COL4A5: variants seen among roughly 807,000 people sequenced by gnomAD.
COL4A5 encodes the protein collagen type IV alpha 5 chain.
A neutral mutation model predicts 130.2 loss-of-function variants in COL4A5; 26 were observed. That is an observed-to-expected ratio of 0.20 (90% confidence interval 0.15 to 0.28). The LOEUF (loss-of-function observed/expected upper bound fraction) is 0.28, where lower values mean the gene tolerates loss of function less well. Ranked by LOEUF, COL4A5 falls within the 10% of genes least tolerant of loss-of-function variation. The pLI, the probability that COL4A5 is intolerant of heterozygous loss-of-function variation, is 1.00. For missense variants in COL4A5, 1,131 were observed against 1,344.3 expected (o/e 0.84, Z 2.48); for synonymous variants, 496 against 439.6 (o/e 1.13, Z -1.60).
intron 36 of COL4A5, among the ~76,000 whole-genome samples, chrX:108,628,798 T>C (rs137906972): frequency 2.9e-3 from 328 of 112,120 alleles, no homozygotes; most frequent in African/African-American, 0.01. Flanking sequence ...TCACAAAATA[T>C]CTGTTGAGTA....
intron 20 of COL4A5, 70 bp from the exon 21 acceptor site, chrX:108,591,491 C>T: frequency 1.3e-5 from 12 of 919,646 alleles, no homozygotes; most frequent in Non-Finnish European, 6.3e-6. Flanking sequence ...TCTGGCTTGT[C>T]AGGCTTTCTT....
intron 36 of COL4A5, among the ~76,000 whole-genome samples, chrX:108,653,578 A>G (rs1255944575): frequency 9.0e-6 from 1 of 111,650 alleles, no homozygotes; most frequent in Non-Finnish European, 1.9e-5. Flanking sequence ...TATTTTCAGA[A>G]CACAGGTGAC....
chrX:108,487,227 C>T (rs1317867607), intron 1 of COL4A5, among the ~76,000 whole-genome samples: 1 of 110,061 alleles, frequency 9.1e-6, no homozygotes, highest in African/African-American at 3.3e-5. Flanking sequence ...CCCATCTCTA[C>T]TAAAAATACA....
At chrX:108,672,081 T>C (rs1345364805) in intron 42 of COL4A5, among the ~76,000 whole-genome samples, 4 of 112,062 alleles carry the variant, frequency 3.6e-5, no homozygotes, top group Non-Finnish European at 7.5e-5. Flanking sequence ...TGCATCCACT[T>C]TCTTGTTTTC....
At chrX:108,610,928 G>A (rs937173251) in intron 29 of COL4A5, among the ~76,000 whole-genome samples, 2 of 111,444 alleles carry the variant, frequency 1.8e-5, no homozygotes, top group Non-Finnish European at 3.8e-5. Context: ...AGATCTCAAG[G>A]ATTGCTCTCT....
chrX:108,578,081 A>T lies in COL4A5; in HGVS notation c.649A>T (p.Asn217Tyr). The stretch of plus-strand genomic sequence containing the variant: ...AAATGGAAACTTCTCTCTCCAGGGG[A>T]ATATGGGCTTAAATTTCCAGGGACC... The part of the protein sequence containing the change: ...GPPGLPGPKG[N>Y]MGLNFQGPKG... Residue 217 changes from asparagine (N) to tyrosine (Y), a missense_variant, in exon 12 of 53, where the codon AAT (asparagine) becomes TAT (tyrosine). Asn to Tyr is a moderately radical substitution (Grantham distance 143). Transcript: ENST00000328300. The T allele has an allele frequency of 8.3e-7, 1 of 1,210,005 alleles. No homozygotes were observed. Among genetic ancestry groups the T allele is most frequent in the Non-Finnish European group, 1.1e-6 (1 of 894,371 alleles).
At chrX:108,577,045 G>A (rs1028552217) in intron 10 of COL4A5, among the ~76,000 whole-genome samples, 2 of 110,758 alleles carry the variant, frequency 1.8e-5, no homozygotes, top group African/African-American at 3.3e-5. Context: ...TTGAATTAAC[G>A]CTAATTCAAC....
At chrX:108,520,574 C>T (rs73524491) in intron 1 of COL4A5, among the ~76,000 whole-genome samples, 11,676 of 111,353 alleles carry the variant, frequency 0.1, 1,293 homozygotes, top group African/African-American at 0.34. Context: ...GGGAACCAAA[C>T]CTTTTATCAT....
At chrX:108,517,284 G>A (rs1031187754) in intron 1 of COL4A5, among the ~76,000 whole-genome samples, 1 of 111,382 alleles carries the variant, frequency 9.0e-6, no homozygotes, top group Non-Finnish European at 1.9e-5. Flanking sequence ...TTAATTATAA[G>A]CACTGTCCAT....
chrX:108,559,970 A>G (rs867485793), intron 3 of COL4A5, among the ~76,000 whole-genome samples: 1 of 111,418 alleles, frequency 9.0e-6, no homozygotes, highest in Non-Finnish European at 1.9e-5. Flanking sequence ...CCGAACAGTC[A>G]TAGGTGTTTA....
At position 108,597,491 on chromosome X, in the gene COL4A5, G is replaced by A. The variant is rs1359112864; in HGVS notation, c.1702G>A (p.Ala568Thr). 4 of 1,211,017 alleles carry A rather than the reference G, an allele frequency of 3.3e-6. No individual in the cohort carries two copies. In the South Asian group the frequency reaches 7.0e-5, roughly 21 times the overall value. ...GDKGELGSPGAPGLPGLPGTP... is the reference protein window; with the variant it reads ...GDKGELGSPGTPGLPGLPGTP... ...CAAAGGAGAGTTGGGTTCCCCTGGA[G>A]CTCCAGGGCTTCCTGGTTTACCTGG... Residue 568 changes from alanine to threonine, a missense_variant, in exon 24 of 53, where the codon GCT (alanine) becomes ACT (threonine). Physicochemically the swap from Ala to Thr is moderately conservative, Grantham distance 58. Transcript: ENST00000328300.
chrX:108,480,481 G>A (rs762084512), intron 1 of COL4A5, among the ~76,000 whole-genome samples: 1 of 113,080 alleles, frequency 8.8e-6, no homozygotes, highest in South Asian at 3.7e-4. Flanking sequence ...TCTTGCAGAA[G>A]TGAAAAGCAA....
intron 4 of COL4A5, among the ~76,000 whole-genome samples, chrX:108,565,676 T>C (rs966070122): frequency 2.7e-5 from 3 of 111,989 alleles, no homozygotes; most frequent in Non-Finnish European, 5.6e-5. Flanking sequence ...TGTTTTACTA[T>C]GCCATCAGAA....
chrX:108,518,907 G>A (rs1425138530), intron 1 of COL4A5, among the ~76,000 whole-genome samples: 1 of 111,283 alleles, frequency 9.0e-6, no homozygotes, highest in African/African-American at 3.3e-5. Flanking sequence ...TAGGAAATCT[G>A]GCAAAATATC....
At chrX:108,569,591 G>A (rs2066027563) in intron 6 of COL4A5, among the ~76,000 whole-genome samples, 1 of 109,802 alleles carries the variant, frequency 9.1e-6, no homozygotes, top group Non-Finnish European at 1.9e-5. Context: ...TTTTCTTTTG[G>A]TATTTTCTGT....
rs1189855000 is a variant in COL4A5 at position 108,591,180 on chromosome X, G to T, written c.1288G>T (p.Ala430Ser). The stretch of plus-strand genomic sequence containing the variant: ...TCCTGGACTTGACGGACAGCCTGGG[G>T]CTCCTGGGCTTCCAGGGCCTCCTGG... ...GPPGLDGQPG[A>S]PGLPGPPGPA... Residue 430 changes from alanine to serine, a missense_variant, in exon 20 of 53, where the codon GCT (alanine) becomes TCT (serine). Ala to Ser is a moderately conservative substitution (Grantham distance 99). Coordinates refer to ENST00000328300, the MANE Select transcript of COL4A5 (RefSeq NM_033380.3). The T allele has an allele frequency of 4.1e-6, 5 of 1,210,149 alleles. No homozygotes were observed. Among genetic ancestry groups the T allele is most frequent in the Non-Finnish European group, 5.6e-6 (5 of 895,037 alleles).
At chrX:108,453,623 TA>T (rs1169997204) in intron 1 of COL4A5, among the ~76,000 whole-genome samples, 1 of 111,235 alleles carries the variant, frequency 9.0e-6, no homozygotes, top group African/African-American at 3.3e-5. Context: ...TTTAAGAGAG[TA>T]AAAAGGTCTT....
chrX:108,569,593 A>G (rs1303647970), intron 6 of COL4A5, among the ~76,000 whole-genome samples: 1 of 111,019 alleles, frequency 9.0e-6, no homozygotes, highest in Non-Finnish European at 1.9e-5. Flanking sequence ...TTCTTTTGGT[A>G]TTTTCTGTTT....
intron 1 of COL4A5, among the ~76,000 whole-genome samples, chrX:108,448,603 T>C (rs1321385895): frequency 8.9e-6 from 1 of 111,860 alleles, no homozygotes; most frequent in Non-Finnish European, 1.9e-5. Flanking sequence ...CTGGTCCTTC[T>C]CTGTCCATAT....
Sources: allele counts gnomAD v4.1 joint callset (sites outside exome capture counted in the v4.1 genomes callset), GRCh38; gene constraint gnomAD v4.1.1; transcripts MANE v1.5; gene names NCBI Gene and HGNC (gene_info 2026-07-23, HGNC 2026-07-21).